The following WWOX variants were observed in gnomAD, a reference collection of about 807,000 sequenced individuals.
The protein encoded by WWOX is WW domain containing oxidoreductase.
Under a neutral mutation model 46.2 loss-of-function variants are expected in WWOX, and 69 were observed. The observed-to-expected ratio is 1.49, with a 90% CI of 1.23 to 1.82. WWOX has a LOEUF of 1.82. WWOX is among the 40% of genes most tolerant of loss of function. The probability of loss-of-function intolerance (pLI) is 0.00; values close to 1 mark genes in which losing one functional copy is unlikely to be tolerated. For synonymous variants in WWOX, 359 were observed against 202.6 expected (o/e 1.77, Z -6.56); for missense variants, 919 against 542.6 (o/e 1.69, Z -6.89).
intron 8 of WWOX, among the ~76,000 whole-genome samples, chr16:78,608,034 T>C (rs2045804509): frequency 1.3e-5 from 2 of 152,196 alleles, no homozygotes; most frequent in Non-Finnish European, 2.9e-5. Context: ...ACACAAATCT[T>C]ATATCATTAG....
chr16:79,182,360 T>G (rs1296560722), intron 8 of WWOX, among the ~76,000 whole-genome samples: 7 of 152,190 alleles, frequency 4.6e-5, no homozygotes, highest in Admixed American at 4.6e-4. Flanking sequence ...TACTTCCCTT[T>G]TTAACATGTC....
chr16:78,999,208 T>C (rs552756584), intron 8 of WWOX, among the ~76,000 whole-genome samples: 1 of 151,932 alleles, frequency 6.6e-6, no homozygotes, highest in South Asian at 2.1e-4. Flanking sequence ...CAGCGGGTCA[T>C]ACCTGTAATC....
Position 79,212,330 on chromosome 16 carries a change from C to T in WWOX, c.*534C>T. The stretch of plus-strand genomic sequence containing the variant: ...GGAGACAAATCTCAGAACCTTGTCC[C>T]AGCCAGTGAGGATGACAGTGACACC... On this transcript the variant is annotated 3_prime_UTR_variant, in exon 9 of 9. Transcript: ENST00000566780. The T allele has an allele frequency of 6.7e-6, 5 of 746,556 alleles. No homozygotes were observed. The highest frequency in any genetic ancestry group is 1.0e-5 in the Non-Finnish European group (5 of 482,920). 46.2% of individuals were successfully genotyped at this position (746,556 alleles called of 1,614,324 possible).
intron 8 of WWOX, among the ~76,000 whole-genome samples, chr16:78,824,491 G>A (rs563643823): frequency 3.7e-4 from 57 of 152,228 alleles, no homozygotes; most frequent in African/African-American, 1.3e-3. Flanking sequence ...GTACTTCAGG[G>A]CCTGTATTAG....
chr16:78,123,551 A>G (rs1420128448), intron 4 of WWOX: 3 of 140,670 alleles, frequency 2.1e-5, no homozygotes, highest in Non-Finnish European at 4.5e-5. Context: ...TTCGCCTCCC[A>G]GGTTGAAGCA....
chr16:78,520,303 A>G (rs377470107), intron 8 of WWOX, among the ~76,000 whole-genome samples: 47 of 152,328 alleles, frequency 3.1e-4, no homozygotes, highest in African/African-American at 9.6e-4. Context: ...AATTTTTTAG[A>G]TGTAAAAGTG....
At chr16:78,253,033 C>T (rs2038027816) in intron 5 of WWOX, among the ~76,000 whole-genome samples, 2 of 152,174 alleles carry the variant, frequency 1.3e-5, no homozygotes, top group Non-Finnish European at 2.9e-5. Flanking sequence ...AATGTGGGAC[C>T]ATACCCTCTG....
intron 5 of WWOX, among the ~76,000 whole-genome samples, chr16:78,208,276 C>T (rs936539116): frequency 3.3e-5 from 5 of 152,130 alleles, no homozygotes; most frequent in Non-Finnish European, 4.4e-5. Context: ...TAGGAGATAA[C>T]GAAGGCAGAA....
intron 8 of WWOX, among the ~76,000 whole-genome samples, chr16:78,604,372 G>A (rs1048987603): frequency 3.9e-5 from 6 of 152,016 alleles, no homozygotes; most frequent in Admixed American, 3.9e-4. Context: ...ACTGTACATG[G>A]GCCCTCGTTT....
intron 8 of WWOX, among the ~76,000 whole-genome samples, chr16:78,699,592 T>C (rs1419544787): frequency 6.6e-6 from 1 of 152,120 alleles, no homozygotes; most frequent in Non-Finnish European, 1.5e-5. Flanking sequence ...CATACGTGAA[T>C]ATATGCTAAC....
rs1367092980 is a variant in WWOX at position 78,347,704 on chromosome 16, A to C, written c.517-39156A>C. Among the ~76,000 whole-genome samples, 2 of 122,578 alleles carry C rather than the reference A, an allele frequency of 1.6e-5. 1 individual carries two copies. The highest frequency in any genetic ancestry group is 3.9e-5 in the Non-Finnish European group (2 of 51,130). The allele number at this position is 122,578 out of a possible 152,430, so 80.4% of individuals were successfully genotyped here. On this transcript the variant is annotated intron_variant, in intron 5 of 8. Transcript: ENST00000566780. ...TTGCATTACTATCTTATTAAAGGTCAAGAAAAATAATTCATATCACTCACT... is the reference window on the plus strand; with the variant it reads ...TTGCATTACTATCTTATTAAAGGTCCAGAAAAATAATTCATATCACTCACT...
chr16:79,153,657 A>G (rs1281536849), intron 8 of WWOX, among the ~76,000 whole-genome samples: 1 of 152,120 alleles, frequency 6.6e-6, no homozygotes, highest in East Asian at 1.9e-4. Flanking sequence ...TAAATTGGGG[A>G]TCATAGAAGG....
chr16:78,907,420 T>C (rs1317666239), intron 8 of WWOX, among the ~76,000 whole-genome samples: 3 of 152,254 alleles, frequency 2.0e-5, no homozygotes, highest in Non-Finnish European at 4.4e-5. Context: ...TTATGTCCAC[T>C]CTTTAGCAGA....
At chr16:78,239,259 C>G (rs114983008) in intron 5 of WWOX, among the ~76,000 whole-genome samples, 1,669 of 152,268 alleles carry the variant, frequency 0.011, 18 homozygotes, top group African/African-American at 0.023. Flanking sequence ...AAGCTGTTGA[C>G]CAGCTCTTGA....
intron 5 of WWOX, among the ~76,000 whole-genome samples, chr16:78,290,890 C>T (rs918708143): frequency 2.0e-5 from 3 of 152,198 alleles, no homozygotes; most frequent in Non-Finnish European, 2.9e-5. Flanking sequence ...TATATTATTT[C>T]GTTGCTAAGG....
In WWOX at chr16:78,954,835, G is replaced by A. The variant is rs138048752; in HGVS notation, c.1057-256773G>A. Among the ~76,000 whole-genome samples the A allele has an allele frequency of 2.9e-3, 435 of 152,206 alleles. 4 individuals are homozygous for A. Among genetic ancestry groups the A allele is most frequent in the African/African-American group, 0.01 (423 of 41,522 alleles). ...GACAGAGTCTCGTTCTGTCACTCAG[G>A]CTGGAGTGCGGTGGCATGATTGTAG... is the stretch of plus-strand genomic sequence containing the variant. On this transcript the variant is annotated intron_variant, in intron 8 of 8. Transcript: ENST00000566780.
intron 8 of WWOX, among the ~76,000 whole-genome samples, chr16:79,045,254 C>G (rs748616537): frequency 6.6e-6 from 1 of 152,150 alleles, no homozygotes; most frequent in African/African-American, 2.4e-5. Context: ...TCTAAGGGTA[C>G]AGAATTAAAT....
chr16:78,161,156 T>C (rs764953120), intron 4 of WWOX, among the ~76,000 whole-genome samples: 1 of 152,190 alleles, frequency 6.6e-6, no homozygotes, highest in African/African-American at 2.4e-5. Context: ...TTTTTATGCT[T>C]ATGTTTAAAT....
chr16:78,727,730 G>C (rs928430139), intron 8 of WWOX, among the ~76,000 whole-genome samples: 1 of 152,082 alleles, frequency 6.6e-6, no homozygotes, highest in African/African-American at 2.4e-5. Flanking sequence ...GGAGGACTTT[G>C]GACTTGGGGA....
Sources: gnomAD v4.1 joint callset for allele counts (sites outside exome capture counted in the v4.1 genomes callset) on GRCh38, gnomAD v4.1.1 for gene constraint, MANE v1.5 for transcripts, NCBI Gene and HGNC (gene_info 2026-07-23, HGNC 2026-07-21) for gene names.